Variants in NAV2 observed in about 807,000 individuals in gnomAD.
The protein encoded by NAV2 is helicase, APC down-regulated 1.
Under a neutral mutation model 223.2 loss-of-function variants are expected in NAV2, and 54 were observed. The ratio of observed to expected loss-of-function variants is 0.24; its 90% confidence interval spans 0.19 to 0.30. The LOEUF is 0.30. NAV2 is among the 10% of genes least tolerant of loss of function. The pLI, the probability that NAV2 is intolerant of heterozygous loss-of-function variation, is 1.00. For synonymous variants in NAV2, 1,279 were observed against 1,239.3 expected (o/e 1.03, Z -0.67); for missense variants, 2,806 against 3,147.5 (o/e 0.89, Z 2.60).
At chr11:20,102,301 T>G (rs2061695198) in intron 32 of NAV2, among the ~76,000 whole-genome samples, 1 of 151,914 alleles carries the variant, frequency 6.6e-6, no homozygotes, top group African/African-American at 2.4e-5. Context: ...AGGCCCAGGG[T>G]GGGTGGGTGC....
intron 1 of NAV2, among the ~76,000 whole-genome samples, chr11:19,522,497 G>T (rs78340282): frequency 0.024 from 3,584 of 152,218 alleles, 145 homozygotes; most frequent in African/African-American, 0.082. Flanking sequence ...CAGTGACCCC[G>T]CCTTCTTCCC....
At position 20,055,783 on chromosome 11, in the gene NAV2, G is replaced by A. The variant is rs1230752136; in HGVS notation, c.4657G>A (p.Val1553Ile). 3.7e-6 allele frequency: 6 copies of A among 1,613,974 alleles called. No homozygotes were observed. In the South Asian group the frequency reaches 6.6e-5, roughly 18 times the overall value. ...TTTTATTCCAGCGAGTCCCACCACT[G>A]TCACCCAGATGAGCTTGTCCAACCC... is the stretch of plus-strand genomic sequence containing the variant. ...NFSQLASPTT[V>I]TQMSLSNPTM... The change falls in exon 19 of 38, where the codon GTC becomes ATC. Residue 1553 changes from valine (V) to isoleucine (I), a missense_variant. Val to Ile is a conservative substitution (Grantham distance 29). Transcript: ENST00000349880.
Position 19,398,461 on chromosome 11 carries a change from G to A in NAV2, c.75+47434G>A, listed in dbSNP as rs137980643. Among the ~76,000 whole-genome samples the A allele has an allele frequency of 1.2e-3, 189 of 152,198 alleles. 1 individual carries two copies. Among genetic ancestry groups the A allele is most frequent in the African/African-American group, 4.5e-3 (186 of 41,532 alleles). On this transcript the variant is annotated intron_variant, in intron 1 of 37. Coordinates refer to the NAV2 transcript ENST00000360655. ...ACACAGATCTGCATGACATCACCCT[G>A]CATTGGCCTGTCTCTGTCCCTTTAA...
chr11:19,584,194 T>C (rs919953937), intron 1 of NAV2, among the ~76,000 whole-genome samples: 1 of 152,120 alleles, frequency 6.6e-6, no homozygotes, highest in African/African-American at 2.4e-5. Context: ...CTCTGATGGT[T>C]TTTTGTATTT....
At chr11:19,398,219 T>A (rs555739785) in intron 1 of NAV2, among the ~76,000 whole-genome samples, 56 of 152,208 alleles carry the variant, frequency 3.7e-4, no homozygotes, top group African/African-American at 1.2e-3. Flanking sequence ...GGAGCCTGAA[T>A]GTCACATGGG....
At chr11:19,697,370 C>G (rs190733038) in intron 1 of NAV2, among the ~76,000 whole-genome samples, 1 of 152,170 alleles carries the variant, frequency 6.6e-6, no homozygotes, top group Non-Finnish European at 1.5e-5. Context: ...GACCCCAAGC[C>G]TCTGTGTCAC....
In NAV2 at chr11:20,051,291, A is replaced by G; in HGVS notation, c.4439A>G (p.Asp1480Gly). 2 of 1,613,864 alleles carry G rather than the reference A, an allele frequency of 1.2e-6. No homozygotes were observed. The highest frequency in any genetic ancestry group is 2.2e-5 in the East Asian group (1 of 44,866). The change falls in exon 17 of 38, where the codon GAC becomes GGC. Residue 1480 changes from aspartate (D) to glycine (G), a missense_variant and splice_region_variant. Around this residue, in one of 4 missense-constraint regions of NAV2, gnomAD observed 742 missense variants for 777.9 expected, o/e 0.95. Transcript: ENST00000349880. The stretch of plus-strand genomic sequence containing the variant: ...TTTTTGTTTTAACTTTCCTACAGTG[A>G]CCCGCACCTTGATAGGAACACTTTG... The part of the protein sequence containing the change: ...RSTLPRKQDS[D>G]PHLDRNTLPK...
intron 3 of NAV2, among the ~76,000 whole-genome samples, chr11:19,853,530 T>A (rs2061256140): frequency 6.6e-6 from 1 of 152,230 alleles, no homozygotes; most frequent in Non-Finnish European, 1.5e-5. Flanking sequence ...TTAAAGCTCA[T>A]CAGCTATTGT....
chr11:19,913,183 G>A (rs1487802068), intron 6 of NAV2, among the ~76,000 whole-genome samples: 2 of 152,082 alleles, frequency 1.3e-5, no homozygotes, highest in South Asian at 2.1e-4. Flanking sequence ...AAATAATTAG[G>A]GTACCTAATT....
intron 1 of NAV2, among the ~76,000 whole-genome samples, chr11:19,582,497 A>T (rs2045752432): frequency 6.6e-6 from 1 of 152,204 alleles, no homozygotes. Flanking sequence ...TTATGGTTTT[A>T]GGCCTAACAT....
At chr11:20,012,783 A>G (rs1239337164) in intron 11 of NAV2, among the ~76,000 whole-genome samples, 1 of 152,162 alleles carries the variant, frequency 6.6e-6, no homozygotes, top group African/African-American at 2.4e-5. Context: ...AAGTCAAGAA[A>G]ATCATCCCCA....
intron 1 of NAV2, among the ~76,000 whole-genome samples, chr11:19,580,484 G>T (rs996475041): frequency 1.3e-5 from 2 of 152,026 alleles, no homozygotes; most frequent in Non-Finnish European, 2.9e-5. Context: ...GCTTGCTCAG[G>T]TCTCTCTTCC....
chr11:19,974,959 G>A (rs530915468), intron 10 of NAV2, among the ~76,000 whole-genome samples: 4 of 152,316 alleles, frequency 2.6e-5, no homozygotes, highest in Non-Finnish European at 5.9e-5. Context: ...AAGCATTTTG[G>A]TCAGGCTCTC....
intron 1 of NAV2, among the ~76,000 whole-genome samples, chr11:19,439,648 G>T (rs1250118878): frequency 6.6e-6 from 1 of 152,162 alleles, no homozygotes; most frequent in African/African-American, 2.4e-5. Context: ...GTCCCAATGT[G>T]CTCATTCACA....
intron 1 of NAV2, among the ~76,000 whole-genome samples, chr11:19,573,380 GT>G: frequency 6.6e-6 from 1 of 152,288 alleles, no homozygotes; most frequent in South Asian, 2.1e-4. Context: ...GGTCTTTGAA[GT>G]CAGGGATTTT....
intron 1 of NAV2, among the ~76,000 whole-genome samples, chr11:19,420,698 A>G (rs1483233319): frequency 2.6e-5 from 4 of 152,210 alleles, no homozygotes; most frequent in African/African-American, 4.8e-5. Flanking sequence ...GGCAAAACCA[A>G]TATCAGGTAT....
At chr11:19,674,603 A>G (rs1367750141) in intron 1 of NAV2, among the ~76,000 whole-genome samples, 1 of 152,204 alleles carries the variant, frequency 6.6e-6, no homozygotes, top group East Asian at 1.9e-4. Flanking sequence ...AAGGAATCTC[A>G]ATGGCTATGT....
At chr11:19,879,836 C>T (rs1279480289) in intron 4 of NAV2, 33 bp from the exon 5 acceptor site, 1 of 1,613,312 alleles carries the variant, frequency 6.2e-7, no homozygotes, top group African/African-American at 1.3e-5. Context: ...GAAGAGCTCC[C>T]CATCTGACAA....
intron 1 of NAV2, among the ~76,000 whole-genome samples, chr11:19,392,160 C>A (rs1434404020): frequency 6.6e-6 from 1 of 152,158 alleles, no homozygotes; most frequent in Non-Finnish European, 1.5e-5. Flanking sequence ...TATGGGCATA[C>A]ACTTTGCCAG....
Sources: gnomAD v4.1 joint callset for allele counts (sites outside exome capture counted in the v4.1 genomes callset) on GRCh38, gnomAD v4.1.1 for gene constraint, gnomAD v4.1.1 regional missense constraint, MANE v1.5 for transcripts, NCBI Gene and HGNC (gene_info 2026-07-23, HGNC 2026-07-21) for gene names.